MAN2B2: variants seen among roughly 807,000 people sequenced by gnomAD.
MAN2B2 encodes mannosidase alpha class 2B member 2, also known as epididymis-specific alpha-mannosidase.
Under a neutral mutation model 117.1 loss-of-function variants are expected in MAN2B2, and 106 were observed. That is an observed-to-expected ratio of 0.90 (90% CI 0.77 to 1.06). The LOEUF (loss-of-function observed/expected upper bound fraction) is 1.06, where lower values mean the gene tolerates loss of function less well. Among genes scored for constraint, MAN2B2 ranks in the 50% least tolerant of loss-of-function variants. The probability of loss-of-function intolerance (pLI) is 0.00; values close to 1 mark genes in which losing one functional copy is unlikely to be tolerated. For missense variants in MAN2B2, 1,326 were observed against 1,381.4 expected, an observed-to-expected ratio of 0.96 and a Z score of 0.64; for synonymous variants, 544 against 595.1, an observed-to-expected ratio of 0.91 and a Z score of 1.25.
At chr4:6,620,936 C>T (rs772576418) in intron 18 of MAN2B2, 12 of 480,810 alleles carry the variant, frequency 2.5e-5, no homozygotes, top group Non-Finnish European at 4.1e-5. Context: ...GGCAGAAACG[C>T]CAAGAGGCCC....
rs1337964914 is a variant in MAN2B2, at chr4:6,613,876, AAG to A, written c.2564-341_2564-340del. On this transcript the variant is annotated intron_variant, in intron 15 of 18. Transcript: ENST00000285599. ...AAGGAAGGAAAAAAACGAAGGAAGA[AAG>A]GAGAGAGAGAGGAGAGGGCTGTGCC... Among the ~76,000 whole-genome samples the A allele has an allele frequency of 2.6e-5, 4 of 152,140 alleles. No homozygotes were observed. In the East Asian group the frequency reaches 7.7e-4, roughly 29 times the overall value.
At chr4:6,578,181 T>C (rs1726142248) in intron 2 of MAN2B2, among the ~76,000 whole-genome samples, 1 of 152,156 alleles carries the variant, frequency 6.6e-6, no homozygotes, top group Non-Finnish European at 1.5e-5. Flanking sequence ...TATATACAAA[T>C]ATATATCTCA....
In MAN2B2 at chr4:6,600,748, C is replaced by A. The variant is rs1449522227; in HGVS notation, c.1531C>A (p.Pro511Thr). 4 of 1,613,414 alleles carry A rather than the reference C, an allele frequency of 2.5e-6. No homozygotes were observed. Among genetic ancestry groups the A allele is most frequent in the Non-Finnish European group, 3.4e-6 (4 of 1,180,022 alleles). The change falls in exon 10 of 19, where the codon CCC becomes ACC. Residue 511 changes from proline to threonine, a missense_variant. Physicochemically the swap from Pro to Thr is conservative, Grantham distance 38. Coordinates refer to ENST00000285599, the MANE Select transcript of MAN2B2 (RefSeq NM_015274.3). Reference protein sequence around the residue: ...RVTDEAGHPVPSQIQNSTETP... With the variant: ...RVTDEAGHPVTSQIQNSTETP... ...CACAGATGAGGCGGGCCACCCAGTGCCCTCGCAGGTATGGACACAAAATCC... is the reference window on the plus strand; with the variant it reads ...CACAGATGAGGCGGGCCACCCAGTGACCTCGCAGGTATGGACACAAAATCC...
At chr4:6,583,987 C>A (rs375683086) in intron 3 of MAN2B2, among the ~76,000 whole-genome samples, 1 of 152,216 alleles carries the variant, frequency 6.6e-6, no homozygotes, top group African/African-American at 2.4e-5. Flanking sequence ...GCCATTTTGT[C>A]TCTTAATGCA....
Position 6,614,220 on chromosome 4 carries a change from A to T in MAN2B2, c.2566A>T (p.Thr856Ser). The T allele has an allele frequency of 6.2e-7, 1 of 1,614,014 alleles. No individual in the cohort carries two copies. The highest frequency in any genetic ancestry group is 8.5e-7 in the Non-Finnish European group (1 of 1,179,944). ...CACTCTGTCCATCTGCCTTGCAGGG[A>T]CTGCGCCGAAGCTCCCAGGACCCCA... ...PVVLFGDLAG[T>S]APKLPGPQQQ... The change falls in exon 16 of 19, where the codon ACT becomes TCT. Residue 856 changes from threonine (T) to serine (S), a missense_variant and splice_region_variant. Thr to Ser is a moderately conservative substitution (Grantham distance 58). Transcript: ENST00000285599.
chr4:6,612,353 C>T (rs1056394310), intron 15 of MAN2B2, among the ~76,000 whole-genome samples: 6 of 152,150 alleles, frequency 3.9e-5, no homozygotes, highest in Non-Finnish European at 2.9e-5. Context: ...CCTGGTGTTT[C>T]GTGGGTGTAG....
chr4:6,616,403 G>A lies in MAN2B2; in HGVS notation c.2702-977G>A, dbSNP rs1030827378. 4.6e-5 allele frequency among the ~76,000 whole-genome samples: 7 copies of A among 152,084 alleles called. No individual in the cohort carries two copies. In the South Asian group the frequency reaches 8.3e-4, roughly 18 times the overall value. ...CATTATATCAGTCAGGGTGGCTGGC[G>A]TATGCTGCAGTAACAAAGAGCCCCG... is the stretch of plus-strand genomic sequence containing the variant. On this transcript the variant is annotated intron_variant, in intron 16 of 18. Transcript: ENST00000285599.
intron 1 of MAN2B2, among the ~76,000 whole-genome samples, chr4:6,576,048 G>A (rs777282764): frequency 6.6e-5 from 10 of 152,132 alleles, no homozygotes; most frequent in South Asian, 2.1e-4. Flanking sequence ...CTCGGGACTC[G>A]GATGGGAACA....
chr4:6,579,818 C>G (rs1726360032), intron 3 of MAN2B2, among the ~76,000 whole-genome samples: 1 of 152,224 alleles, frequency 6.6e-6, no homozygotes, highest in Non-Finnish European at 1.5e-5. Flanking sequence ...GTGGGGCACT[C>G]TACTCACCAT....
chr4:6,579,328 C>CACCACCACCCTTCACCAT (rs1726308596), intron 3 of MAN2B2, among the ~76,000 whole-genome samples: 2 of 84,992 alleles, frequency 2.4e-5, no homozygotes, highest in Admixed American at 2.3e-4. Context: ...ATCACCACCA[C>CACCACCACCCTTCACCAT]CACCACCACC....
rs1189356524 is a variant in MAN2B2, at chr4:6,610,893, T to C, written c.2273T>C (p.Met758Thr). 6.2e-7 allele frequency: 1 copy of C among 1,614,186 alleles called. No individual in the cohort carries two copies. The highest frequency in any genetic ancestry group is 1.7e-5 in the Admixed American group (1 of 60,030). The stretch of plus-strand genomic sequence containing the variant: ...TTCTGTCTGCAGAATTACTACCCCA[T>C]GGTTCAGTCGGCCTTCATGGAGGAT... ...NNSIARNYYP[M>T]VQSAFMEDGK... Residue 758 changes from methionine to threonine, a missense_variant, in exon 14 of 19, where the codon ATG becomes ACG. Physicochemically the swap from Met to Thr is moderately conservative, Grantham distance 81. Coordinates refer to ENST00000285599, the MANE Select transcript of MAN2B2 (RefSeq NM_015274.3).
intron 1 of MAN2B2, among the ~76,000 whole-genome samples, chr4:6,575,693 C>G (rs751345350): frequency 4.6e-5 from 7 of 152,122 alleles, no homozygotes; most frequent in Non-Finnish European, 1.0e-4. Flanking sequence ...GTCAGGTGCC[C>G]GCTGGGAAGG....
intron 3 of MAN2B2, among the ~76,000 whole-genome samples, chr4:6,583,893 G>A (rs550044025): frequency 2.0e-5 from 3 of 152,272 alleles, no homozygotes; most frequent in East Asian, 1.9e-4. Context: ...GTGAGCACAC[G>A]CACTGTGTTT....
At position 6,593,742 on chromosome 4, in the gene MAN2B2, G is replaced by A. The variant is rs373939683; in HGVS notation, c.858+392G>A. Among the ~76,000 whole-genome samples, 343 of 152,366 alleles carry A rather than the reference G, an allele frequency of 2.3e-3. 1 individual carries two copies. The highest frequency in any genetic ancestry group is 6.0e-3 in the African/African-American group (249 of 41,584). On this transcript the variant is annotated intron_variant, in intron 6 of 18. Transcript: ENST00000285599. ...TTCCCGGGAAGCCAGTGCCCGGCAC[G>A]TCGTGGCCATCGTCACAGCTAACCT...
chr4:6,603,438 G>A (rs1727412543), intron 10 of MAN2B2, among the ~76,000 whole-genome samples: 1 of 152,186 alleles, frequency 6.6e-6, no homozygotes, highest in African/African-American at 2.4e-5. Context: ...TGACTCGGGA[G>A]CCAGGGGAGG....
chr4:6,579,150 CCATCACCAT>C (rs1726243465), intron 3 of MAN2B2, among the ~76,000 whole-genome samples: 10 of 83,848 alleles, frequency 1.2e-4, no homozygotes, highest in South Asian at 1.1e-3. Context: ...ATCACCACCA[CCATCACCAT>C]CACCACCACC....
intron 16 of MAN2B2, 105 bp downstream of exon 16, chr4:6,614,460 T>C: frequency 7.4e-7 from 1 of 1,343,864 alleles, no homozygotes; most frequent in South Asian, 1.4e-5. Context: ...CTATCATGGC[T>C]CTGCAAGGTC....
intron 3 of MAN2B2, among the ~76,000 whole-genome samples, chr4:6,583,729 G>A (rs961865780): frequency 6.6e-6 from 1 of 152,164 alleles, no homozygotes; most frequent in African/African-American, 2.4e-5. Flanking sequence ...AGAAAGAAAG[G>A]AAAATATGCT....
Position 6,600,750 on chromosome 4 carries a change from C to G in MAN2B2, c.1533C>G (p.Pro511=). 1 of 1,613,450 alleles carries G rather than the reference C, an allele frequency of 6.2e-7. No individual in the cohort carries two copies. Among genetic ancestry groups the G allele is most frequent in the African/African-American group, 1.3e-5 (1 of 75,050 alleles). ...CAGATGAGGCGGGCCACCCAGTGCC[C>G]TCGCAGGTATGGACACAAAATCCTG... ...RVTDEAGHPV[P]SQIQNSTETP... is the part of the protein sequence containing the mutation. The change falls in exon 10 of 19, where the codon CCC becomes CCG. Residue 511 remains proline, a synonymous_variant. Coordinates refer to ENST00000285599, the MANE Select transcript of MAN2B2 (RefSeq NM_015274.3).
Sources: allele counts gnomAD v4.1 joint callset (sites outside exome capture counted in the v4.1 genomes callset), GRCh38; gene constraint gnomAD v4.1.1; transcripts MANE v1.5; gene names NCBI Gene and HGNC (gene_info 2026-07-23, HGNC 2026-07-21).